NTNG2: variants seen among roughly 807,000 people sequenced by gnomAD.
The protein encoded by NTNG2 is netrin-G2.
A neutral mutation model predicts 47.6 loss-of-function variants in NTNG2; 15 were observed. The observed-to-expected ratio is 0.32, with a 90% CI of 0.21 to 0.49. The LOEUF is 0.49. Ranked by LOEUF, NTNG2 falls within the 20% of genes least tolerant of loss-of-function variation. The pLI, the probability that NTNG2 is intolerant of heterozygous loss-of-function variation, is 0.99. For synonymous variants in NTNG2, 307 were observed against 324.6 expected, an observed-to-expected ratio of 0.95 and a Z score of 0.58; for missense variants, 578 against 764.6, an observed-to-expected ratio of 0.76 and a Z score of 2.88.
In NTNG2 at chr9:132,218,389, C is replaced by T. The variant is rs1384294325; in HGVS notation, c.858-8460C>T. Among the ~76,000 whole-genome samples, 2 of 152,238 alleles carry T rather than the reference C, an allele frequency of 1.3e-5. No homozygotes were observed. The highest frequency in any genetic ancestry group is 3.8e-4 in the East Asian group (2 of 5,204). On this transcript the variant is annotated intron_variant, in intron 3 of 7. Coordinates refer to ENST00000393229, the MANE Select transcript of NTNG2 (RefSeq NM_032536.4). The surrounding 1 kb of genome is among the most constrained non-coding windows in gnomAD (Gnocchi z 5.4). ...GGCTAATGTTCTAATTCGGGTGGCA[C>T]TCTCAGAACAGTTCCTCATGCAAAG... is the stretch of plus-strand genomic sequence containing the variant.
intron 2 of NTNG2, among the ~76,000 whole-genome samples, chr9:132,170,370 G>A (rs1244423363): frequency 1.3e-5 from 2 of 152,234 alleles, no homozygotes; most frequent in African/African-American, 4.8e-5. Context: ...CTTGGGCGAG[G>A]ACAAAATTGC....
At position 132,191,875 on chromosome 9, in the gene NTNG2, C is replaced by T. The variant is rs562362131; in HGVS notation, c.214-6091C>T. The stretch of plus-strand genomic sequence containing the variant: ...CGTGAGCCACCGCGCCCGGCCATTA[C>T]CGCATCTTTCTAGAGAAAATCCCAA... On this transcript the variant is annotated intron_variant, in intron 2 of 7. Coordinates refer to ENST00000393229, the MANE Select transcript of NTNG2 (RefSeq NM_032536.4). 1.1e-4 allele frequency among the ~76,000 whole-genome samples: 16 copies of T among 152,302 alleles called. No homozygotes were observed. The South Asian group carries it at 3.1e-3, about 30-fold the overall frequency.
chr9:132,239,632 C>T (rs1339470121), intron 6 of NTNG2, among the ~76,000 whole-genome samples: 1 of 150,000 alleles, frequency 6.7e-6, no homozygotes, highest in African/African-American at 2.4e-5. Flanking sequence ...CTGTCTGGGG[C>T]TGGTGTGTGG....
At chr9:132,204,464 G>A (rs972286623) in intron 3 of NTNG2, among the ~76,000 whole-genome samples, 12 of 152,242 alleles carry the variant, frequency 7.9e-5, no homozygotes, top group Admixed American at 1.3e-4. Context: ...GTGGGCGCGG[G>A]GAGGGGAGTG....
intron 2 of NTNG2, among the ~76,000 whole-genome samples, chr9:132,168,330 TGGTA>T (rs1835647116): frequency 6.6e-6 from 1 of 152,212 alleles, no homozygotes; most frequent in Admixed American, 6.5e-5. Flanking sequence ...CCCAGGCAGC[TGGTA>T]CCTCTGCGTG....
chr9:132,168,351 G>A (rs1345273868), intron 2 of NTNG2, among the ~76,000 whole-genome samples: 1 of 152,206 alleles, frequency 6.6e-6, no homozygotes, highest in African/African-American at 2.4e-5. Flanking sequence ...CGTGTCCTTG[G>A]AGGAGCCTCC....
intron 3 of NTNG2, among the ~76,000 whole-genome samples, chr9:132,217,002 C>T (rs535168843): frequency 1.3e-5 from 2 of 152,158 alleles, no homozygotes; most frequent in Admixed American, 6.5e-5. Flanking sequence ...ATGGAATGGA[C>T]GCGAAGCCAG....
rs750835267 is a variant in NTNG2 at position 132,227,026 on chromosome 9, G to A, written c.1030+5G>A. The A allele has an allele frequency of 2.5e-6, 4 of 1,592,004 alleles. No individual in the cohort carries two copies. The highest frequency in any genetic ancestry group is 2.6e-6 in the Non-Finnish European group (3 of 1,169,884). On this transcript the variant is annotated splice_donor_5th_base_variant and intron_variant, in intron 4 of 7. Coordinates refer to ENST00000393229, the MANE Select transcript of NTNG2 (RefSeq NM_032536.4). ...CCCATGGCTCTCCCAACGCCTGTAC[G>A]TGCCATGCCCCGGGGCCACGAGCCC...
At chr9:132,234,864 G>A (rs1015178825) in intron 5 of NTNG2, among the ~76,000 whole-genome samples, 4 of 152,196 alleles carry the variant, frequency 2.6e-5, no homozygotes, top group African/African-American at 4.8e-5. Context: ...AAAGTCTTCC[G>A]CACTTGTTAG....
intron 2 of NTNG2, among the ~76,000 whole-genome samples, chr9:132,184,757 C>T (rs1837217280): frequency 6.6e-6 from 1 of 152,198 alleles, no homozygotes; most frequent in African/African-American, 2.4e-5. Flanking sequence ...AACCCAGTCT[C>T]TACTAAAAAT....
At chr9:132,225,886 C>T (rs998194120) in intron 3 of NTNG2, among the ~76,000 whole-genome samples, 5 of 152,162 alleles carry the variant, frequency 3.3e-5, no homozygotes, top group Admixed American at 1.3e-4. Flanking sequence ...TCCTCGAGTC[C>T]AGATCTTGCG....
intron 2 of NTNG2, among the ~76,000 whole-genome samples, chr9:132,192,931 G>A (rs567106727): frequency 3.9e-5 from 6 of 152,232 alleles, no homozygotes; most frequent in Admixed American, 6.5e-5. Context: ...TTCCCGGGCC[G>A]GGGCGGGGGC....
At chr9:132,168,743 C>T (rs182716263) in intron 2 of NTNG2, among the ~76,000 whole-genome samples, 131 of 152,232 alleles carry the variant, frequency 8.6e-4, no homozygotes, top group African/African-American at 2.9e-3. Context: ...GTTCTCCACA[C>T]GCTCTCGGGC....
At chr9:132,210,548 G>T (rs1209445696) in intron 3 of NTNG2, among the ~76,000 whole-genome samples, 1 of 152,228 alleles carries the variant, frequency 6.6e-6, no homozygotes, top group East Asian at 1.9e-4. Flanking sequence ...GCTGCCAACA[G>T]CGGACGGGGG....
At chr9:132,229,295 C>T (rs1370916993) in intron 4 of NTNG2, among the ~76,000 whole-genome samples, 1 of 152,166 alleles carries the variant, frequency 6.6e-6, no homozygotes, top group Non-Finnish European at 1.5e-5. Flanking sequence ...ACCGTGACCC[C>T]TCCTCAGTAA....
chr9:132,225,902 C>T (rs1840719796), intron 3 of NTNG2, among the ~76,000 whole-genome samples: 1 of 152,214 alleles, frequency 6.6e-6, no homozygotes, highest in Non-Finnish European at 1.5e-5. Flanking sequence ...TTGCGGATGG[C>T]ATCCCCTGGT....
At chr9:132,235,273 CAG>C (rs1166049110) in intron 5 of NTNG2, among the ~76,000 whole-genome samples, 1 of 152,248 alleles carries the variant, frequency 6.6e-6, no homozygotes, top group Admixed American at 6.5e-5. Context: ...AGCCATTAGC[CAG>C]AGACATCAGC....
intron 3 of NTNG2, among the ~76,000 whole-genome samples, chr9:132,199,500 C>G (rs1055210465): frequency 6.6e-6 from 1 of 152,242 alleles, no homozygotes; most frequent in Non-Finnish European, 1.5e-5. Context: ...CCAGCAGTGA[C>G]ATGGGACAAT....
At chr9:132,178,762 G>A (rs1290567123) in intron 2 of NTNG2, among the ~76,000 whole-genome samples, 2 of 137,314 alleles carry the variant, frequency 1.5e-5, no homozygotes, top group South Asian at 2.3e-4. Context: ...GTGACATGGT[G>A]AAACCCCATC....
Sources: allele counts gnomAD v4.1 joint callset (sites outside exome capture counted in the v4.1 genomes callset), GRCh38; gene constraint gnomAD v4.1.1; non-coding constraint Gnocchi (gnomAD v3.1); transcripts MANE v1.5; gene names NCBI Gene and HGNC (gene_info 2026-07-23, HGNC 2026-07-21).